Variants in POLR2G observed in about 807,000 individuals in gnomAD.
POLR2G encodes the protein RNA polymerase II subunit G.
In POLR2G, 19 loss-of-function variants were observed where a neutral mutation model predicts 25.7. The observed-to-expected ratio is 0.74, with a 90% CI of 0.52 to 1.08. POLR2G has a LOEUF of 1.08. Among genes scored for constraint, POLR2G ranks in the 50% least tolerant of loss-of-function variants. POLR2G has a pLI of 0.00. For synonymous variants in POLR2G, 79 were observed against 76.0 expected, an observed-to-expected ratio of 1.04 and a Z score of -0.21; for missense variants, 123 against 218.5, an observed-to-expected ratio of 0.56 and a Z score of 2.76.
In POLR2G at chr11:62,762,061, G is replaced by C. The variant is rs1261265368; in HGVS notation, c.122+157G>C. 38 of 611,838 alleles carry C rather than the reference G, an allele frequency of 6.2e-5. No individual in the cohort carries two copies. The East Asian group carries it at 1.0e-3, about 17-fold the overall frequency. 37.9% of individuals were successfully genotyped at this position (611,838 alleles called of 1,614,324 possible). On this transcript the variant is annotated intron_variant, in intron 2 of 7. Coordinates refer to ENST00000301788, the MANE Select transcript of POLR2G (RefSeq NM_002696.3). ...TTGCTTCCTGCTTTGGGTTCCCAGG[G>C]CGCCCTCTGCAATGCTGGACAATAA...
At chr11:62,766,332 G>T in intron 7 of POLR2G, 56 bp downstream of exon 7, 1 of 1,556,182 alleles carries the variant, frequency 6.4e-7, no homozygotes. Flanking sequence ...ATGTGTGGGG[G>T]TGGGGAGTAA....
intron 2 of POLR2G, chr11:62,762,480 C>A: frequency 2.5e-6 from 1 of 398,144 alleles, no homozygotes; most frequent in South Asian, 1.7e-5. Flanking sequence ...AGTACTTGGG[C>A]CTCCAGCATC....
rs370638745 is a variant in POLR2G, at chr11:62,766,489, C to T, written c.506-5C>T. 5.4e-5 allele frequency: 87 copies of T among 1,613,898 alleles called. No homozygotes were observed. In the African/African-American group the frequency reaches 6.7e-4, roughly 12 times the overall value. ...CTAACTGATATGCTTTTTCTGGTTT[C>T]GCAGGGCTTGTAAGCTGAGCCTGGT... is the stretch of plus-strand genomic sequence containing the variant. On this transcript the variant is annotated splice_polypyrimidine_tract_variant and splice_region_variant and intron_variant, in intron 7 of 7. Coordinates refer to ENST00000301788, the MANE Select transcript of POLR2G (RefSeq NM_002696.3).
intron 3 of POLR2G, among the ~76,000 whole-genome samples, chr11:62,764,527 G>T (rs1481802511): frequency 6.6e-6 from 1 of 152,060 alleles, no homozygotes; most frequent in Non-Finnish European, 1.5e-5. Context: ...GGGTGCGCTG[G>T]CTCACACCTA....
chr11:62,765,577 G>A, intron 5 of POLR2G, 76 bp from the exon 6 acceptor site: 1 of 1,159,612 alleles, frequency 8.6e-7, no homozygotes, highest in Non-Finnish European at 1.3e-6. Flanking sequence ...ATGCCCCCGG[G>A]CTTACAGTGA....
rs578061421 is a variant in POLR2G, at chr11:62,765,767, G to A, written c.471+43G>A. Reference sequence around the variant, plus strand: ...CTCTCTACCTATACCAGGTTGAGCTGAGAACTGTCGATTTCTTTTTTCTTT... The same window carrying A: ...CTCTCTACCTATACCAGGTTGAGCTAAGAACTGTCGATTTCTTTTTTCTTT... On this transcript the variant is annotated intron_variant, in intron 6 of 7. Transcript: ENST00000301788. 3 of 1,112,512 alleles carry A rather than the reference G, an allele frequency of 2.7e-6. No homozygotes were observed. The African/African-American group carries it at 4.7e-5, about 18-fold the overall frequency. The allele number at this position is 1,112,512 out of a possible 1,614,324, so 68.9% of individuals were successfully genotyped here.
chr11:62,763,374 A>G (rs554237236), intron 3 of POLR2G, among the ~76,000 whole-genome samples: 1 of 149,442 alleles, frequency 6.7e-6, no homozygotes, highest in South Asian at 2.1e-4. Flanking sequence ...CACTCACTGC[A>G]AGCTCCGCCT....
In POLR2G at chr11:62,761,623, T is replaced by C. The variant is rs996880918; in HGVS notation, c.-26T>C. ...CCCAGGGACTGTCGGAGGTGTGGACTCTGCCTGCCTACCTGGTCTGGGAAG... is the reference window on the plus strand; with the variant it reads ...CCCAGGGACTGTCGGAGGTGTGGACCCTGCCTGCCTACCTGGTCTGGGAAG... On this transcript the variant is annotated 5_prime_UTR_variant, in exon 1 of 8. Coordinates refer to ENST00000301788, the MANE Select transcript of POLR2G (RefSeq NM_002696.3). 1 of 1,604,298 alleles carries C rather than the reference T, an allele frequency of 6.2e-7. No individual in the cohort carries two copies. Among genetic ancestry groups the C allele is most frequent in the Non-Finnish European group, 8.5e-7 (1 of 1,174,874 alleles).
At chr11:62,763,153 G>A in intron 3 of POLR2G, 127 bp downstream of exon 3, 1 of 332,578 alleles carries the variant, frequency 3.0e-6, no homozygotes. Context: ...TTTTTTTTTT[G>A]AGAGAGTTTT....
chr11:62,763,297 A>AT (rs775776919), intron 3 of POLR2G, among the ~76,000 whole-genome samples: 22,332 of 128,568 alleles, frequency 0.17, 2,195 homozygotes, highest in Middle Eastern at 0.27. Flanking sequence ...ATGGCCGGCT[A>AT]TTTTTTTTTT....
At position 62,766,676 on chromosome 11, in the gene POLR2G, T is replaced by C; in HGVS notation, c.*169T>C. The C allele has an allele frequency of 1.6e-6, 1 of 623,466 alleles. No homozygotes were observed. The highest frequency in any genetic ancestry group is 2.9e-6 in the Non-Finnish European group (1 of 349,340). The allele number at this position is 623,466 out of a possible 1,614,324, so 38.6% of individuals were successfully genotyped here. On this transcript the variant is annotated 3_prime_UTR_variant, in exon 8 of 8. Transcript: ENST00000301788. ...TAACTACTGCCTCCTCATTTTTCAG[T>C]ATGTGTTCTAAGTATAAAAAGTCCT...
intron 2 of POLR2G, chr11:62,762,197 C>T (rs1414719535): frequency 4.8e-6 from 2 of 418,726 alleles, no homozygotes; most frequent in Non-Finnish European, 8.9e-6. Context: ...AGAATGGGAA[C>T]AAGATAGAAT....
At chr11:62,764,229 G>A (rs1191599049) in intron 3 of POLR2G, among the ~76,000 whole-genome samples, 1 of 151,944 alleles carries the variant, frequency 6.6e-6, no homozygotes, top group Non-Finnish European at 1.5e-5. Flanking sequence ...GGGAGGCTGA[G>A]GTGGGCAGAT....
At chr11:62,765,863 C>A (rs1273146784) in intron 6 of POLR2G, 139 bp downstream of exon 6, 1 of 620,472 alleles carries the variant, frequency 1.6e-6, no homozygotes, top group African/African-American at 1.9e-5. Flanking sequence ...TCTCGGCTCA[C>A]TGCAAGCTCT....
rs772714357 is a variant in POLR2G at position 62,765,298 on chromosome 11, C to T, written c.334-42C>T. 13 of 1,603,922 alleles carry T rather than the reference C, an allele frequency of 8.1e-6. No individual in the cohort carries two copies. In the South Asian group the frequency reaches 1.3e-4, roughly 16 times the overall value. ...ACTCATTCATCACCATCTATTGAAGCATCCATTTAAAGTGCTAACCTAGAT... is the reference window on the plus strand; with the variant it reads ...ACTCATTCATCACCATCTATTGAAGTATCCATTTAAAGTGCTAACCTAGAT... On this transcript the variant is annotated intron_variant, in intron 4 of 7. Coordinates refer to ENST00000301788, the MANE Select transcript of POLR2G (RefSeq NM_002696.3).
Position 62,763,017 on chromosome 11 carries a change from G to A in POLR2G, c.273G>A (p.Gln91=), listed in dbSNP as rs746056558. ...AGGTCGTGGATGCTGTTGTCACTCA[G>A]GTCAACAAGGTGAGACCATACATAG... ...KGEVVDAVVT[Q]VNKVGLFTEI... is the part of the protein sequence containing the mutation. Residue 91 remains glutamine (Q), a synonymous_variant, in exon 3 of 8, where the codon CAG becomes CAA. Transcript: ENST00000301788. 50 of 1,598,258 alleles carry A rather than the reference G, an allele frequency of 3.1e-5. No individual in the cohort carries two copies. The highest frequency in any genetic ancestry group is 4.1e-5 in the Non-Finnish European group (48 of 1,169,118).
intron 5 of POLR2G, 43 bp downstream of exon 5, chr11:62,765,448 G>C: frequency 1.3e-6 from 2 of 1,508,254 alleles, no homozygotes; most frequent in Non-Finnish European, 1.8e-6. Flanking sequence ...GAGAGAATCA[G>C]CCATCCTGAG....
rs113542095 is a variant in POLR2G, at chr11:62,762,505, G to T, written c.123-362G>T. ...CCTCCAGCATCAGAAAAACCTGCAG[G>T]AACATGCAGATTCCTGAGCCTCCTT... is the stretch of plus-strand genomic sequence containing the variant. On this transcript the variant is annotated intron_variant, in intron 2 of 7. Coordinates refer to ENST00000301788, the MANE Select transcript of POLR2G (RefSeq NM_002696.3). 3.9e-3 allele frequency: 1,638 copies of T among 422,026 alleles called. 16 individuals are homozygous for T. The highest frequency in any genetic ancestry group is 0.031 in the African/African-American group (1,523 of 49,552). 26.1% of individuals were successfully genotyped at this position (422,026 alleles called of 1,614,324 possible).
chr11:62,763,757 T>G (rs1197948693), intron 3 of POLR2G, among the ~76,000 whole-genome samples: 2 of 151,532 alleles, frequency 1.3e-5, no homozygotes, highest in African/African-American at 4.8e-5. Context: ...TTTTTTTTTT[T>G]TTTTGAGACG....
Sources: gnomAD v4.1 joint callset for allele counts (sites outside exome capture counted in the v4.1 genomes callset) on GRCh38, gnomAD v4.1.1 for gene constraint, MANE v1.5 for transcripts, NCBI Gene and HGNC (gene_info 2026-07-23, HGNC 2026-07-21) for gene names.